Variants in PRKAG2 observed in about 807,000 individuals in gnomAD.
PRKAG2 encodes the protein protein kinase AMP-activated non-catalytic subunit gamma 2.
PRKAG2 carries 26 observed loss-of-function variants against 69.6 expected under a neutral mutation model. The observed-to-expected ratio is 0.37, with a 90% CI of 0.27 to 0.52. The LOEUF (loss-of-function observed/expected upper bound fraction) is 0.52, where lower values mean the gene tolerates loss of function less well. PRKAG2 is among the 20% of genes least tolerant of loss of function. PRKAG2 has a pLI of 0.90. For synonymous variants in PRKAG2, 293 were observed against 285.0 expected (o/e 1.03, Z -0.28); for missense variants, 557 against 740.0 (o/e 0.75, Z 2.87).
At chr7:151,840,490 G>T (rs546711572) in intron 1 of PRKAG2, among the ~76,000 whole-genome samples, 12 of 152,218 alleles carry the variant, frequency 7.9e-5, no homozygotes, top group African/African-American at 2.6e-4. Flanking sequence ...GGCCTCAATT[G>T]ATCCTCCCAT....
chr7:151,726,498 C>A (rs1797997774), intron 3 of PRKAG2, among the ~76,000 whole-genome samples: 1 of 152,042 alleles, frequency 6.6e-6, no homozygotes, highest in Non-Finnish European at 1.5e-5. Context: ...AAAGGCACAC[C>A]AACGCACAAG....
intron 4 of PRKAG2, among the ~76,000 whole-genome samples, chr7:151,664,052 C>T (rs1333389085): frequency 6.6e-6 from 1 of 152,160 alleles, no homozygotes; most frequent in Non-Finnish European, 1.5e-5. Flanking sequence ...AATCACAAAA[C>T]CAGGTGGTGG....
chr7:151,730,264 A>G (rs749159044), intron 3 of PRKAG2, among the ~76,000 whole-genome samples: 6 of 152,268 alleles, frequency 3.9e-5, no homozygotes, highest in Admixed American at 1.3e-4. Context: ...GTGTGGGAAC[A>G]GAGGCCAGCA....
At chr7:151,656,608 A>C (rs1196865951) in intron 4 of PRKAG2, among the ~76,000 whole-genome samples, 1 of 152,200 alleles carries the variant, frequency 6.6e-6, no homozygotes, top group Non-Finnish European at 1.5e-5. Flanking sequence ...AAATATCTTA[A>C]TCCAACAATA....
chr7:151,622,984 T>C (rs757887594), intron 5 of PRKAG2, among the ~76,000 whole-genome samples: 1 of 152,154 alleles, frequency 6.6e-6, no homozygotes, highest in South Asian at 2.1e-4. Context: ...ACCAGTTTCA[T>C]GGAAGACAAT....
intron 1 of PRKAG2, among the ~76,000 whole-genome samples, chr7:151,855,062 T>TACACACACACCGC: frequency 2.9e-5 from 1 of 34,032 alleles, no homozygotes; most frequent in African/African-American, 2.4e-4. Context: ...ACACACACCA[T>TACACACACACCGC]CCTCCACACA....
At chr7:151,669,966 G>GCGCA (rs1554527163) in intron 4 of PRKAG2, among the ~76,000 whole-genome samples, 7 of 122,538 alleles carry the variant, frequency 5.7e-5, no homozygotes, top group Admixed American at 3.1e-4. Context: ...TCACACACCT[G>GCGCA]CACACACCTG....
At position 151,572,717 on chromosome 7, in the gene PRKAG2, TAA is replaced by T; in HGVS notation, c.1006-10_1006-9del. 6.5e-7 allele frequency: 1 copy of T among 1,547,230 alleles called. No homozygotes were observed. The highest frequency in any genetic ancestry group is 8.9e-7 in the Non-Finnish European group (1 of 1,126,572). On this transcript the variant is annotated splice_polypyrimidine_tract_variant and intron_variant, in intron 8 of 15. Transcript: ENST00000287878. ...TAATTCATAAATCTGTACCTGCAAATAAAAAAATTCTTATTTATAAATATACA... is the reference window on the plus strand; with the variant it reads ...TAATTCATAAATCTGTACCTGCAAATAAAAATTCTTATTTATAAATATACA...
In PRKAG2 at chr7:151,777,189, C is replaced by A. The variant is rs1004654904; in HGVS notation, c.466+3963G>T. On this transcript the variant is annotated intron_variant, in intron 3 of 15. Transcript: ENST00000287878. The surrounding 1 kb of genome is among the most constrained non-coding windows in gnomAD (Gnocchi z 4.3). ...GGGCCATGGCCAGGTTCAGCATGGGCCCCGAGGTCTAGCTCTTCACTGCGG... is the reference window on the plus strand; with the variant it reads ...GGGCCATGGCCAGGTTCAGCATGGGACCCGAGGTCTAGCTCTTCACTGCGG... Among the ~76,000 whole-genome samples, 9 of 152,188 alleles carry A rather than the reference C, an allele frequency of 5.9e-5. No homozygotes were observed. The highest frequency in any genetic ancestry group is 1.0e-4 in the Non-Finnish European group (7 of 68,016).
At position 151,565,730 on chromosome 7, in the gene PRKAG2, C is replaced by G. The variant is rs754270654; in HGVS notation, c.1389G>C (p.Val463=). 1 of 1,613,744 alleles carries G rather than the reference C, an allele frequency of 6.2e-7. No individual in the cohort carries two copies. The highest frequency in any genetic ancestry group is 2.2e-5 in the East Asian group (1 of 44,874). ...GCCAAACACACAAACCTGACTCATC[C>G]ACAACAGGCAGAGCTGATATTCGTC... ...VERRISALPV[V]DESGKVVDIY... is the part of the protein sequence containing the mutation. The change falls in exon 12 of 16, where the codon GTG becomes GTC. Residue 463 remains valine, a synonymous_variant. Transcript: ENST00000287878.
chr7:151,569,804 G>A (rs1807119358), intron 10 of PRKAG2, among the ~76,000 whole-genome samples: 1 of 152,184 alleles, frequency 6.6e-6, no homozygotes, highest in Non-Finnish European at 1.5e-5. Flanking sequence ...ATGTTTAAAC[G>A]CTAGTGTGGA....
intron 13 of PRKAG2, 147 bp downstream of exon 13, chr7:151,565,199 A>G: frequency 1.7e-6 from 1 of 589,328 alleles, no homozygotes; most frequent in Non-Finnish European, 2.7e-6. Flanking sequence ...ATTACTATAG[A>G]AGGTCTATAA....
intron 3 of PRKAG2, among the ~76,000 whole-genome samples, chr7:151,685,590 G>A (rs1450153037): frequency 6.6e-6 from 1 of 151,996 alleles, no homozygotes; most frequent in African/African-American, 2.4e-5. Flanking sequence ...GCAACATAGT[G>A]AGACCCCCAT....
chr7:151,755,402 CAG>C (rs1491438845), intron 3 of PRKAG2, among the ~76,000 whole-genome samples: 1 of 152,008 alleles, frequency 6.6e-6, no homozygotes, highest in Non-Finnish European at 1.5e-5. Flanking sequence ...CAGAGGAAGA[CAG>C]GGGGTGGGTG....
At chr7:151,703,076 C>T (rs993901328) in intron 3 of PRKAG2, among the ~76,000 whole-genome samples, 5 of 152,224 alleles carry the variant, frequency 3.3e-5, no homozygotes, top group Non-Finnish European at 5.9e-5. Context: ...GAAAAGGGAA[C>T]ACCTGGCAGA....
intron 1 of PRKAG2, among the ~76,000 whole-genome samples, chr7:151,808,682 A>C (rs1253403294): frequency 6.6e-6 from 1 of 151,726 alleles, no homozygotes; most frequent in East Asian, 1.9e-4. Flanking sequence ...TCGGGCTTTG[A>C]GAAGGAAGGT....
At position 151,632,107 on chromosome 7, in the gene PRKAG2, T is replaced by C; in HGVS notation, c.716A>G (p.Glu239Gly). The part of the protein sequence containing the change: ...AALAAALGPA[E>G]AGMLEKLEFE... ...CTCCAGCTTCTCCAGCATGCCGGCTTCCGCGGGTCCCAGGGCCGCCGCCAG... is the reference window on the plus strand; with the variant it reads ...CTCCAGCTTCTCCAGCATGCCGGCTCCCGCGGGTCCCAGGGCCGCCGCCAG... The change falls in exon 5 of 16, where the codon GAA becomes GGA. Residue 239 changes from glutamate (E) to glycine (G), a missense_variant. Physicochemically the swap from Glu to Gly is moderately conservative, Grantham distance 98 (BLOSUM62 -2). Around this residue, in one of 2 missense-constraint regions of PRKAG2, gnomAD observed 352 missense variants for 356.7 expected, o/e 0.99. Transcript: ENST00000287878. The surrounding 1 kb of genome is among the most constrained non-coding windows in gnomAD (Gnocchi z 4.2). 7.1e-7 allele frequency: 1 copy of C among 1,413,804 alleles called. No homozygotes were observed. The highest frequency in any genetic ancestry group is 1.4e-5 in the South Asian group (1 of 73,404). 87.6% of individuals were successfully genotyped at this position (1,413,804 alleles called of 1,614,324 possible).
rs1393999844 is a variant in PRKAG2 at position 151,807,674 on chromosome 7, A to G, written c.115-21133T>C. 4 of 449,442 alleles carry G rather than the reference A, an allele frequency of 8.9e-6. 1 individual carries two copies. The highest frequency in any genetic ancestry group is 6.3e-5 in the South Asian group (4 of 63,942). 27.8% of individuals were successfully genotyped at this position (449,442 alleles called of 1,614,324 possible). Reference sequence around the variant, plus strand: ...GGGTGCGATGTCCCAAACCTACACAACCGTTTCCACTGCCTATTCCCGGGC... The same window carrying G: ...GGGTGCGATGTCCCAAACCTACACAGCCGTTTCCACTGCCTATTCCCGGGC... On this transcript the variant is annotated intron_variant, in intron 1 of 15. Coordinates refer to ENST00000287878, the MANE Select transcript of PRKAG2 (RefSeq NM_016203.4). The surrounding 1 kb of genome is among the most constrained non-coding windows in gnomAD (Gnocchi z 4.4).
At chr7:151,839,955 G>C (rs529801243) in intron 1 of PRKAG2, among the ~76,000 whole-genome samples, 1 of 152,290 alleles carries the variant, frequency 6.6e-6, no homozygotes, top group East Asian at 1.9e-4. Flanking sequence ...GGGGTTCTTG[G>C]ACAATTGGGG....
Sources: gnomAD v4.1 joint callset for allele counts (sites outside exome capture counted in the v4.1 genomes callset) on GRCh38, gnomAD v4.1.1 for gene constraint, gnomAD v4.1.1 regional missense constraint, Gnocchi (gnomAD v3.1) non-coding constraint, MANE v1.5 for transcripts, NCBI Gene and HGNC (gene_info 2026-07-23, HGNC 2026-07-21) for gene names.